Variants in AFG2A observed in about 807,000 individuals in gnomAD.
AFG2A encodes AAA ATPase AFG2A.
the AFG2A span, chr4:123,256,055 G>A: frequency 6.2e-7 from 1 of 1,614,040 alleles, no homozygotes; most frequent in Non-Finnish European, 8.5e-7. Context: ...AATCATCTAT[G>A]TGCCTTTACC....
the AFG2A span, among the ~76,000 whole-genome samples, chr4:122,990,266 G>A: frequency 6.6e-5 from 10 of 152,144 alleles, no homozygotes; most frequent in African/African-American, 2.4e-4. Context: ...TGTTCAAGCT[G>A]ATATTTCTGT....
At chr4:123,194,275 G>A in the AFG2A span, among the ~76,000 whole-genome samples, 115 of 152,244 alleles carry the variant, frequency 7.6e-4, no homozygotes, top group African/African-American at 2.5e-3. Flanking sequence ...ATGGTCTTGG[G>A]CCACACATAA....
the AFG2A span, among the ~76,000 whole-genome samples, chr4:123,279,302 G>T: frequency 1.3e-5 from 2 of 152,104 alleles, no homozygotes; most frequent in Non-Finnish European, 2.9e-5. Flanking sequence ...TGTAATCCCA[G>T]CTGAGGCTGG....
At chr4:122,934,169 T>G in the AFG2A span, 3 of 1,614,146 alleles carry the variant, frequency 1.9e-6, no homozygotes, top group African/African-American at 1.3e-5. Flanking sequence ...CTGCAAGTAT[T>G]GCGAGTGAAA....
chr4:123,095,904 G>A, the AFG2A span, among the ~76,000 whole-genome samples: 10 of 152,190 alleles, frequency 6.6e-5, no homozygotes, highest in East Asian at 7.7e-4. Flanking sequence ...GACTGTCACA[G>A]GAGTGAAATT....
At chr4:123,236,264 A>G in the AFG2A span, among the ~76,000 whole-genome samples, 1 of 152,222 alleles carries the variant, frequency 6.6e-6, no homozygotes. Context: ...GGATGTAGCT[A>G]CATATACATT....
the AFG2A span, among the ~76,000 whole-genome samples, chr4:123,254,804 G>C: frequency 1.3e-5 from 2 of 152,108 alleles, no homozygotes; most frequent in Non-Finnish European, 2.9e-5. Context: ...TCCATTAGTT[G>C]TAAAATAATG....
the AFG2A span, among the ~76,000 whole-genome samples, chr4:123,078,876 A>C: frequency 6.6e-6 from 1 of 152,174 alleles, no homozygotes; most frequent in Non-Finnish European, 1.5e-5. Flanking sequence ...TAAAGCCCCC[A>C]GTCCTCTAAC....
chr4:123,296,475 A>G, the AFG2A span, among the ~76,000 whole-genome samples: 1 of 152,210 alleles, frequency 6.6e-6, no homozygotes, highest in Admixed American at 6.5e-5. Flanking sequence ...AAATGTGAAC[A>G]CTAACTAAAT....
the AFG2A span, among the ~76,000 whole-genome samples, chr4:123,228,625 C>T: frequency 6.6e-6 from 1 of 151,860 alleles, no homozygotes; most frequent in Non-Finnish European, 1.5e-5. Context: ...TTTTAATATG[C>T]ATTATCTCAT....
the AFG2A span, among the ~76,000 whole-genome samples, chr4:123,262,646 G>A: frequency 2.0e-5 from 3 of 152,182 alleles, no homozygotes; most frequent in Non-Finnish European, 4.4e-5. Flanking sequence ...TTCTCTTACA[G>A]TAATTGTCTT....
At chr4:123,159,905 G>C in the AFG2A span, among the ~76,000 whole-genome samples, 2 of 152,170 alleles carry the variant, frequency 1.3e-5, no homozygotes, top group Non-Finnish European at 1.5e-5. Context: ...AAGCATTTCA[G>C]CTTTATTTTT....
At chr4:123,131,153 A>G in the AFG2A span, among the ~76,000 whole-genome samples, 1 of 152,138 alleles carries the variant, frequency 6.6e-6, no homozygotes, top group Non-Finnish European at 1.5e-5. Flanking sequence ...TTTATCGAGC[A>G]TATTACAAAC....
the AFG2A span, among the ~76,000 whole-genome samples, chr4:123,295,262 T>C: frequency 6.6e-6 from 1 of 152,136 alleles, no homozygotes; most frequent in African/African-American, 2.4e-5. Context: ...GCATAAGCCT[T>C]GGAAGGCTGG....
At chr4:123,307,032 G>A in the AFG2A span, among the ~76,000 whole-genome samples, 1 of 152,116 alleles carries the variant, frequency 6.6e-6, no homozygotes, top group South Asian at 2.1e-4. Context: ...CTCTAAATGG[G>A]TTAGTTTAAC....
At chr4:123,006,116 A>C in the AFG2A span, among the ~76,000 whole-genome samples, 10 of 110,518 alleles carry the variant, frequency 9.0e-5, no homozygotes, top group Non-Finnish European at 8.5e-5. Flanking sequence ...TTTTTTTTTT[A>C]ATATCTGAAA....
chr4:122,996,046 A>G, the AFG2A span, among the ~76,000 whole-genome samples: 1 of 152,210 alleles, frequency 6.6e-6, no homozygotes, highest in Non-Finnish European at 1.5e-5. Flanking sequence ...AATTACTAAT[A>G]TAGCTTAAAA....
chr4:122,979,477 ACTTT>A, the AFG2A span: 1 of 1,392,804 alleles, frequency 7.2e-7, no homozygotes, highest in Non-Finnish European at 9.8e-7. Flanking sequence ...CCTAGGCTAA[ACTTT>A]AAAAAAATAT....
the AFG2A span, among the ~76,000 whole-genome samples, chr4:123,212,720 C>A: frequency 6.6e-6 from 1 of 152,124 alleles, no homozygotes; most frequent in Non-Finnish European, 1.5e-5. Flanking sequence ...AAATTGCTTT[C>A]ACCTGGAGAG....
Sources: allele counts gnomAD v4.1 joint callset (sites outside exome capture counted in the v4.1 genomes callset), GRCh38; gene constraint gnomAD v4.1.1; transcripts MANE v1.5; gene names NCBI Gene and HGNC (gene_info 2026-07-23, HGNC 2026-07-21).